Variants in TM6SF1 observed in about 807,000 individuals in gnomAD.
TM6SF1 encodes the protein transmembrane 6 superfamily member 1.
In TM6SF1, 43 loss-of-function variants were observed where a neutral mutation model predicts 47.1. The ratio of observed to expected loss-of-function variants is 0.91; its 90% CI spans 0.72 to 1.18. TM6SF1 has a LOEUF of 1.18. TM6SF1 is among the 50% of genes most tolerant of loss of function. TM6SF1 has a pLI of 0.00. For synonymous variants in TM6SF1, 177 were observed against 166.3 expected, an observed-to-expected ratio of 1.06 and a Z score of -0.49; for missense variants, 390 against 449.0, an observed-to-expected ratio of 0.87 and a Z score of 1.19.
intron 1 of TM6SF1, among the ~76,000 whole-genome samples, chr15:83,108,186 TTTC>T (rs1272089905): frequency 6.6e-6 from 1 of 152,226 alleles, no homozygotes. Flanking sequence ...ATGTATGGAC[TTTC>T]GCATACTTAT....
chr15:83,117,861 G>A (rs1415932898), intron 3 of TM6SF1, among the ~76,000 whole-genome samples: 1 of 152,120 alleles, frequency 6.6e-6, no homozygotes, highest in Non-Finnish European at 1.5e-5. Flanking sequence ...GGGGACAAAG[G>A]TAGGGAGACC....
At chr15:83,118,278 A>AAG (rs955002232) in intron 3 of TM6SF1, among the ~76,000 whole-genome samples, 4 of 151,574 alleles carry the variant, frequency 2.6e-5, no homozygotes, top group Admixed American at 2.0e-4. Context: ...CAGAGAGAGC[A>AAG]AGAGAGAGAG....
chr15:83,111,520 G>A (rs896911412), intron 1 of TM6SF1: 23 of 609,162 alleles, frequency 3.8e-5, no homozygotes, highest in African/African-American at 8.0e-5. Flanking sequence ...TCCACTCATC[G>A]TCTATTTGTT....
chr15:83,133,510 T>C (rs2036398897), intron 9 of TM6SF1: 1 of 152,246 alleles, frequency 6.6e-6, no homozygotes, highest in Non-Finnish European at 1.5e-5. Context: ...CTCTTAATTA[T>C]TTCTGTAAGG....
chr15:83,111,475 T>C (rs747319166), intron 1 of TM6SF1: 2 of 235,860 alleles, frequency 8.5e-6, no homozygotes, highest in Non-Finnish European at 1.4e-5. Context: ...CCATCATCCA[T>C]CCAACCATTC....
At chr15:83,135,772 A>T (rs1295632794) in intron 9 of TM6SF1, 1 of 152,262 alleles carries the variant, frequency 6.6e-6, no homozygotes, top group East Asian at 1.9e-4. Flanking sequence ...AATTTGATTT[A>T]AAAAGGTTGC....
rs112709398 is a variant in TM6SF1 at position 83,115,585 on chromosome 15, C to T, written c.197-260C>T. Reference sequence around the variant, plus strand: ...CTGCTAGAATCTTCTGTGACTGAGCCGGCAGTGACCATCATTCTCCACTCC... The same window carrying T: ...CTGCTAGAATCTTCTGTGACTGAGCTGGCAGTGACCATCATTCTCCACTCC... On this transcript the variant is annotated intron_variant, in intron 2 of 9. Transcript: ENST00000322019. The T allele has an allele frequency of 4.4e-4, 267 of 610,304 alleles. 1 individual carries two copies. The highest frequency in any genetic ancestry group is 3.9e-3 in the African/African-American group (217 of 55,364). 37.8% of individuals were successfully genotyped at this position (610,304 alleles called of 1,614,324 possible).
intron 1 of TM6SF1, among the ~76,000 whole-genome samples, chr15:83,110,158 G>A (rs1404469824): frequency 1.3e-5 from 2 of 152,066 alleles, no homozygotes; most frequent in African/African-American, 4.8e-5. Flanking sequence ...ATTAGATTGA[G>A]AGGTCAGGAA....
intron 1 of TM6SF1, among the ~76,000 whole-genome samples, chr15:83,108,763 A>T (rs777501556): frequency 6.6e-6 from 1 of 152,196 alleles, no homozygotes; most frequent in Non-Finnish European, 1.5e-5. Flanking sequence ...TCAGCTGGTC[A>T]GGCCGTGGAG....
intron 7 of TM6SF1, among the ~76,000 whole-genome samples, chr15:83,126,458 A>G (rs2035757325): frequency 6.6e-6 from 1 of 152,214 alleles, no homozygotes; most frequent in Admixed American, 6.5e-5. Flanking sequence ...AGTGAAACTC[A>G]TAATTTAAAG....
chr15:83,108,784 T>C (rs965866731), intron 1 of TM6SF1, among the ~76,000 whole-genome samples: 2 of 152,138 alleles, frequency 1.3e-5, no homozygotes, highest in African/African-American at 4.8e-5. Context: ...TGTCTGTACA[T>C]AGGGTGGTAA....
chr15:83,111,476 C>T (rs1220960423), intron 1 of TM6SF1: 9 of 239,414 alleles, frequency 3.8e-5, no homozygotes, highest in Non-Finnish European at 5.4e-5. Flanking sequence ...CATCATCCAT[C>T]CAACCATTCA....
Position 83,136,522 on chromosome 15 carries a change from T to C in TM6SF1, c.963T>C (p.Thr321=). ...TTGGTGCATCTCTTCATGCTAGAAC[T>C]GCTTATGTCTACAGAGTCCCTGAAG... ...SHIGASLHAR[T]AYVYRVPEEA... is the part of the protein sequence containing the mutation. The change falls in exon 10 of 10, where the codon ACT becomes ACC. Residue 321 remains threonine, a synonymous_variant. Coordinates refer to ENST00000322019, the MANE Select transcript of TM6SF1 (RefSeq NM_023003.5). The C allele has an allele frequency of 5.0e-6, 8 of 1,606,394 alleles. No homozygotes were observed. Among genetic ancestry groups the C allele is most frequent in the Non-Finnish European group, 6.8e-6 (8 of 1,178,154 alleles).
intron 5 of TM6SF1, among the ~76,000 whole-genome samples, chr15:83,122,460 T>C (rs1596498636): frequency 1.3e-5 from 2 of 152,214 alleles, no homozygotes; most frequent in African/African-American, 4.8e-5. Context: ...TATAGATACC[T>C]ATCTAGATGT....
chr15:83,114,646 C>G (rs957419882), intron 2 of TM6SF1: 1 of 152,570 alleles, frequency 6.6e-6, no homozygotes, highest in Non-Finnish European at 1.5e-5. Flanking sequence ...GGCTTCCCTT[C>G]TCTGTGAATT....
intron 1 of TM6SF1, chr15:83,108,033 G>C (rs2033823919): frequency 3.1e-6 from 2 of 636,848 alleles, no homozygotes; most frequent in Non-Finnish European, 4.5e-6. Flanking sequence ...AGGTGCCCGG[G>C]GTCACAGGCG....
At chr15:83,126,149 G>T (rs2035731116) in intron 7 of TM6SF1, among the ~76,000 whole-genome samples, 1 of 152,120 alleles carries the variant, frequency 6.6e-6, no homozygotes, top group Non-Finnish European at 1.5e-5. Context: ...TCTGTCATTG[G>T]CCTGTGTTCA....
At chr15:83,134,235 T>C (rs918323005) in intron 9 of TM6SF1, 2 of 152,108 alleles carry the variant, frequency 1.3e-5, no homozygotes, top group African/African-American at 4.8e-5. Context: ...TTTTTTTTTT[T>C]TTAAAGACAG....
rs552934812 is a variant in TM6SF1 at position 83,111,073 on chromosome 15, T to C, written c.93-1724T>C. 1.4e-4 allele frequency among the ~76,000 whole-genome samples: 21 copies of C among 152,232 alleles called. No individual in the cohort carries two copies. The East Asian group carries it at 1.9e-3, about 14-fold the overall frequency. On this transcript the variant is annotated intron_variant, in intron 1 of 9. Coordinates refer to ENST00000322019, the MANE Select transcript of TM6SF1 (RefSeq NM_023003.5). ...TTTTAGTAGAGACGGGGTTTCACCA[T>C]GTTGGCCAGGCTGGTCTCCAACTCC...
Sources: allele counts gnomAD v4.1 joint callset (sites outside exome capture counted in the v4.1 genomes callset), GRCh38; gene constraint gnomAD v4.1.1; transcripts MANE v1.5; gene names NCBI Gene and HGNC (gene_info 2026-07-23, HGNC 2026-07-21).